DNAH6: variants seen among roughly 807,000 people sequenced by gnomAD.
DNAH6 encodes axonemal beta dynein heavy chain 6.
A neutral mutation model predicts 491.4 loss-of-function variants in DNAH6; 340 were observed. That is an observed-to-expected ratio of 0.69 (90% CI 0.63 to 0.76). The LOEUF is 0.76. DNAH6 is among the 30% of genes least tolerant of loss of function. DNAH6 has a pLI of 0.00. For synonymous variants in DNAH6, 1,603 were observed against 1,686.1 expected (o/e 0.95, Z 1.21); for missense variants, 4,443 against 4,972.2 (o/e 0.89, Z 3.20).
Position 84,552,910 on chromosome 2 carries a change from C to T in DNAH6, c.1486-8C>T. The T allele has an allele frequency of 6.4e-7, 1 of 1,559,394 alleles. No homozygotes were observed. The highest frequency in any genetic ancestry group is 8.8e-7 in the Non-Finnish European group (1 of 1,134,822). ...GTCTTTATAACACTGTACATATATT[C>T]ATTTCAGGGGACCCTTATGGTGGAA... On this transcript the variant is annotated splice_polypyrimidine_tract_variant and splice_region_variant and intron_variant, in intron 9 of 76. Coordinates refer to ENST00000389394, the MANE Select transcript of DNAH6 (RefSeq NM_001370.2).
chr2:84,683,526 G>A (rs1309357596), intron 42 of DNAH6, among the ~76,000 whole-genome samples: 2 of 147,370 alleles, frequency 1.4e-5, no homozygotes, highest in Admixed American at 6.9e-5. Context: ...GGGTTCAAGC[G>A]ATTCTGTAGC....
chr2:84,760,970 A>G (rs547884172), intron 63 of DNAH6, among the ~76,000 whole-genome samples: 4 of 152,350 alleles, frequency 2.6e-5, no homozygotes, highest in South Asian at 2.1e-4. Context: ...ACTACTAGGT[A>G]TCTACCCAAA....
intron 12 of DNAH6, 58 bp downstream of exon 12, chr2:84,573,645 T>G: frequency 6.9e-7 from 1 of 1,439,334 alleles, no homozygotes; most frequent in Non-Finnish European, 9.2e-7. Context: ...GATTTGTTGT[T>G]TTTTAGGATT....
At position 84,653,521 on chromosome 2, in the gene DNAH6, A is replaced by G; in HGVS notation, c.5281A>G (p.Thr1761Ala). The G allele has an allele frequency of 6.4e-7, 1 of 1,551,376 alleles. No homozygotes were observed. The stretch of plus-strand genomic sequence containing the variant: ...CGGGCCAACAGGAGGCGGCAAGACC[A>G]CAGTTTACCGAATACTAGCAGAAAC... ...LVGPTGGGKT[T>A]VYRILAETLG... The change falls in exon 34 of 77, where the codon ACA (threonine) becomes GCA (alanine). Residue 1761 changes from threonine (T) to alanine (A), a missense_variant. Thr to Ala is a moderately conservative substitution (Grantham distance 58). Around this residue, in one of 3 missense-constraint regions of DNAH6, gnomAD observed 2,977 missense variants for 3,296.6 expected, o/e 0.90. Coordinates refer to ENST00000389394, the MANE Select transcript of DNAH6 (RefSeq NM_001370.2).
At position 84,557,817 on chromosome 2, in the gene DNAH6, C is replaced by T. The variant is rs1680216398; in HGVS notation, c.1685C>T (p.Ala562Val). ...CTCGTGCCTGATTCGTATTTTGATGCTTTCACCAGCCCTTATATTAACAAC... is the reference window on the plus strand; with the variant it reads ...CTCGTGCCTGATTCGTATTTTGATGTTTTCACCAGCCCTTATATTAACAAC... ...PNLVPDSYFD[A>V]FTSPYINNKL... The change falls in exon 11 of 77, where the codon GCT becomes GTT. Residue 562 changes from alanine (A) to valine (V), a missense_variant. Ala to Val is a moderately conservative substitution (Grantham distance 64). Coordinates refer to ENST00000389394, the MANE Select transcript of DNAH6 (RefSeq NM_001370.2). The T allele has an allele frequency of 6.2e-7, 1 of 1,613,068 alleles. No individual in the cohort carries two copies. Among genetic ancestry groups the T allele is most frequent in the East Asian group, 2.2e-5 (1 of 44,842 alleles).
At chr2:84,702,181 T>C (rs1695976484) in intron 49 of DNAH6, among the ~76,000 whole-genome samples, 1 of 152,212 alleles carries the variant, frequency 6.6e-6, no homozygotes, top group Non-Finnish European at 1.5e-5. Context: ...ACAGCCTATG[T>C]TCTGCCTCTG....
chr2:84,563,637 A>G (rs1680886555), intron 11 of DNAH6, among the ~76,000 whole-genome samples: 1 of 152,068 alleles, frequency 6.6e-6, no homozygotes, highest in South Asian at 2.1e-4. Context: ...ATTTTCTCCC[A>G]TTATGTAGGT....
chr2:84,722,298 C>T (rs904131624), intron 59 of DNAH6, among the ~76,000 whole-genome samples: 3 of 152,082 alleles, frequency 2.0e-5, no homozygotes, highest in African/African-American at 7.2e-5. Flanking sequence ...CAAAGAAGTT[C>T]GGGAGCAATT....
intron 63 of DNAH6, among the ~76,000 whole-genome samples, chr2:84,753,341 CT>C: frequency 6.6e-6 from 1 of 152,060 alleles, no homozygotes; most frequent in Non-Finnish European, 1.5e-5. Flanking sequence ...TTTTCGCTTT[CT>C]TGGTAGTGTC....
intron 20 of DNAH6, among the ~76,000 whole-genome samples, chr2:84,606,324 G>A (rs1338551790): frequency 6.6e-6 from 1 of 152,138 alleles, no homozygotes; most frequent in Non-Finnish European, 1.5e-5. Flanking sequence ...ACTCAAAGAG[G>A]TCAGTAAGTT....
At chr2:84,703,647 T>A (rs903803932) in intron 50 of DNAH6, 85 bp downstream of exon 50, 6 of 1,203,058 alleles carry the variant, frequency 5.0e-6, no homozygotes, top group Admixed American at 3.3e-5. Flanking sequence ...TGGATTTTTT[T>A]ATTATATATG....
intron 62 of DNAH6, among the ~76,000 whole-genome samples, chr2:84,741,876 T>C (rs1314784316): frequency 6.6e-6 from 1 of 152,204 alleles, no homozygotes; most frequent in Non-Finnish European, 1.5e-5. Context: ...CCCTAGTGGG[T>C]CAAGGGTTTC....
intron 33 of DNAH6, among the ~76,000 whole-genome samples, chr2:84,648,918 T>A (rs1690150335): frequency 6.6e-6 from 1 of 152,240 alleles, no homozygotes. Flanking sequence ...TACATAGATA[T>A]CTTTCACAAA....
chr2:84,489,574 C>T, the DNAH6 span, among the ~76,000 whole-genome samples: 1 of 152,024 alleles, frequency 6.6e-6, no homozygotes, highest in East Asian at 1.9e-4. Flanking sequence ...TTTCTCTTTC[C>T]TTTTTTTCTT....
At chr2:84,594,178 T>C (rs1684361131) in intron 17 of DNAH6, 93 bp downstream of exon 17, 4 of 543,728 alleles carry the variant, frequency 7.4e-6, no homozygotes, top group Admixed American at 8.7e-5. Flanking sequence ...AACAATCTGG[T>C]GCTTTTCTTA....
chr2:84,788,393 A>G (rs7606803), intron 68 of DNAH6, among the ~76,000 whole-genome samples: 3,782 of 152,324 alleles, frequency 0.025, 130 homozygotes, highest in African/African-American at 0.082. Context: ...ACTGGTCTGT[A>G]GATTTAATGC....
intron 63 of DNAH6, among the ~76,000 whole-genome samples, chr2:84,754,121 C>T (rs886080506): frequency 1.3e-5 from 2 of 151,684 alleles, no homozygotes; most frequent in African/African-American, 4.8e-5. Context: ...CACGCCTGGC[C>T]TTGAGTTAAT....
chr2:84,507,846 TC>T, the DNAH6 span, among the ~76,000 whole-genome samples: 1 of 152,236 alleles, frequency 6.6e-6, no homozygotes. Flanking sequence ...TGTCTTTGGT[TC>T]TGTTTATATG....
At chr2:84,714,770 CA>C (rs539055239) in intron 57 of DNAH6, among the ~76,000 whole-genome samples, 128 of 151,800 alleles carry the variant, frequency 8.4e-4, no homozygotes, top group African/African-American at 3.0e-3. Context: ...AGCTCTGTAA[CA>C]GGGGGCAAAT....
Sources: allele counts gnomAD v4.1 joint callset (sites outside exome capture counted in the v4.1 genomes callset), GRCh38; gene constraint gnomAD v4.1.1; regional missense constraint gnomAD v4.1.1; transcripts MANE v1.5; gene names NCBI Gene and HGNC (gene_info 2026-07-23, HGNC 2026-07-21).